Variants in PCDHGA5 observed in about 807,000 individuals in gnomAD.
The protein encoded by PCDHGA5 is protocadherin gamma subfamily A, 5, also known as protocadherin gamma-A5.
PCDHGA5 carries 36 observed loss-of-function variants against 56.7 expected under a neutral mutation model. The observed-to-expected ratio is 0.64, with a 90% CI of 0.49 to 0.84. The LOEUF is 0.84. PCDHGA5 is among the 40% of genes least tolerant of loss of function. The probability of loss-of-function intolerance (pLI) is 0.00; values close to 1 mark genes in which losing one functional copy is unlikely to be tolerated. For missense variants in PCDHGA5, 1,305 were observed against 1,201.5 expected (o/e 1.09, Z -1.27); for synonymous variants, 563 against 520.2 (o/e 1.08, Z -1.12).
In PCDHGA5 at chr5:141,397,217, T is replaced by C. The variant is rs534809290; in HGVS notation, c.2421+30466T>C. On this transcript the variant is annotated intron_variant, in intron 1 of 3. Transcript: ENST00000518069. The stretch of plus-strand genomic sequence containing the variant: ...AAAGATATGACATAAGAGAAGTATT[T>C]TGAGATATGAAGAAGAGCAACGTAG... Among the ~76,000 whole-genome samples, 15 of 152,296 alleles carry C rather than the reference T, an allele frequency of 9.8e-5. No individual in the cohort carries two copies. In the East Asian group the frequency reaches 2.5e-3, roughly 25 times the overall value.
chr5:141,462,552 T>A (rs966816379), intron 1 of PCDHGA5, among the ~76,000 whole-genome samples: 1 of 152,194 alleles, frequency 6.6e-6, no homozygotes, highest in Non-Finnish European at 1.5e-5. Context: ...TCTTCTTCAG[T>A]GTTTACTGTA....
In PCDHGA5 at chr5:141,432,654, T is replaced by C. The variant is rs2097525297; in HGVS notation, c.2422-62153T>C. ...GGCGAGGTGCGCACGGCGCGAGCCC[T>C]GCTGGACAGAGACGCGCTCAAGCAG... is the stretch of plus-strand genomic sequence containing the variant. On this transcript the variant is annotated intron_variant, in intron 1 of 3. Transcript: ENST00000518069. This position sits in a 1 kb window ranked among gnomAD's most constrained non-coding sequence, Gnocchi z 6.0. The C allele has an allele frequency of 1.2e-6, 2 of 1,613,816 alleles. No homozygotes were observed. Among genetic ancestry groups the C allele is most frequent in the African/African-American group, 1.3e-5 (1 of 75,034 alleles).
rs532830928 is a variant in PCDHGA5 at position 141,473,487 on chromosome 5, A to G, written c.2422-21320A>G. Reference sequence around the variant, plus strand: ...TTGTGCCAAGTTCAATGGAAAAAATATAAGGTGTTCTGAGAGAGCATAACA... The same window carrying G: ...TTGTGCCAAGTTCAATGGAAAAAATGTAAGGTGTTCTGAGAGAGCATAACA... On this transcript the variant is annotated intron_variant, in intron 1 of 3. Coordinates refer to ENST00000518069, the MANE Select transcript of PCDHGA5 (RefSeq NM_018918.3). 2.0e-3 allele frequency among the ~76,000 whole-genome samples: 310 copies of G among 152,242 alleles called. 5 individuals carry two copies. The South Asian group carries it at 0.052, about 25-fold the overall frequency.
At chr5:141,447,623 C>G (rs940221130) in intron 1 of PCDHGA5, among the ~76,000 whole-genome samples, 1 of 152,042 alleles carries the variant, frequency 6.6e-6, no homozygotes, top group African/African-American at 2.4e-5. Flanking sequence ...AAAGTTGAAA[C>G]CAACAGTATG....
chr5:141,451,532 G>T (rs1168984212), intron 1 of PCDHGA5, among the ~76,000 whole-genome samples: 1 of 152,180 alleles, frequency 6.6e-6, no homozygotes, highest in African/African-American at 2.4e-5. Flanking sequence ...AAAGGAGAGT[G>T]CCAGAGAGGG....
intron 1 of PCDHGA5, chr5:141,394,374 G>A: frequency 1.2e-6 from 2 of 1,614,172 alleles, no homozygotes; most frequent in South Asian, 1.1e-5. Flanking sequence ...GCAATCTTTC[G>A]ACTATGAGCA....
At chr5:141,464,862 C>T (rs1166573359) in intron 1 of PCDHGA5, among the ~76,000 whole-genome samples, 1 of 152,076 alleles carries the variant, frequency 6.6e-6, no homozygotes, top group African/African-American at 2.4e-5. Context: ...CCTTAGCCTC[C>T]CAAGTAGCTA....
At position 141,364,467 on chromosome 5, in the gene PCDHGA5, G is replaced by T. The variant is rs776444046; in HGVS notation, c.137G>T (p.Gly46Val). 2 of 1,614,004 alleles carry T rather than the reference G, an allele frequency of 1.2e-6. No homozygotes were observed. Among genetic ancestry groups the T allele is most frequent in the Non-Finnish European group, 1.7e-6 (2 of 1,179,888 alleles). ...GAGCTGGACAAAGGCTCCTTCGTCG[G>T]CAACATAGCCAAGGACCTTGGGCTG... The part of the protein sequence containing the change: ...PEELDKGSFV[G>V]NIAKDLGLEP... The change falls in exon 1 of 4, where the codon GGC (glycine) becomes GTC (valine). Residue 46 changes from glycine to valine, a missense_variant. Gly to Val is a moderately radical substitution (Grantham distance 109). Coordinates refer to ENST00000518069, the MANE Select transcript of PCDHGA5 (RefSeq NM_018918.3).
Position 141,477,598 on chromosome 5 carries a change from C to A in PCDHGA5, c.2422-17209C>A. The A allele has an allele frequency of 6.2e-7, 1 of 1,614,180 alleles. No homozygotes were observed. The highest frequency in any genetic ancestry group is 8.5e-7 in the Non-Finnish European group (1 of 1,180,030). ...CCCCGCAGAATGCTCGGCTTTCTTT[C>A]TTTCTCTTGGAGCAAGGAGCTGAAA... On this transcript the variant is annotated intron_variant, in intron 1 of 3. Transcript: ENST00000518069. This position sits in a 1 kb window ranked among gnomAD's most constrained non-coding sequence, Gnocchi z 4.9.
At chr5:141,402,807 T>TA in intron 1 of PCDHGA5, 1 of 1,165,464 alleles carries the variant, frequency 8.6e-7, no homozygotes, top group Non-Finnish European at 1.2e-6. Flanking sequence ...ACCCGGCAGA[T>TA]ACCACAAACC....
At chr5:141,415,302 G>A in intron 1 of PCDHGA5, 3 of 1,614,212 alleles carry the variant, frequency 1.9e-6, no homozygotes, top group South Asian at 2.2e-5. Context: ...GCGTCTTCCT[G>A]GCCTTCGTCA....
At chr5:141,402,919 G>T in intron 1 of PCDHGA5, 1 of 1,572,640 alleles carries the variant, frequency 6.4e-7, no homozygotes, top group Non-Finnish European at 8.6e-7. Flanking sequence ...CGCGCACAGA[G>T]ATCCTTTTGA....
In PCDHGA5 at chr5:141,366,085, C is replaced by A. The variant is rs938214198; in HGVS notation, c.1755C>A (p.Gly585=). ...VELAPRSAEP[G]YLVTKVVAVD... ...TGGCGCCTCGCTCCGCAGAACCTGG[C>A]TACCTGGTGACCAAGGTGGTAGCGG... The change falls in exon 1 of 4, where the codon GGC becomes GGA. Residue 585 remains glycine, a synonymous_variant. Coordinates refer to ENST00000518069, the MANE Select transcript of PCDHGA5 (RefSeq NM_018918.3). 3.7e-6 allele frequency: 6 copies of A among 1,614,150 alleles called. No individual in the cohort carries two copies. Among genetic ancestry groups the A allele is most frequent in the Non-Finnish European group, 5.1e-6 (6 of 1,180,060 alleles).
chr5:141,410,737 C>A, intron 1 of PCDHGA5: 1 of 1,295,554 alleles, frequency 7.7e-7, no homozygotes, highest in East Asian at 2.5e-5. Context: ...TAGCTTTTTA[C>A]AATATTTTCT....
intron 2 of PCDHGA5, among the ~76,000 whole-genome samples, chr5:141,495,377 G>A (rs558501090): frequency 1.9e-4 from 29 of 152,330 alleles, no homozygotes; most frequent in Admixed American, 6.5e-4. Flanking sequence ...ACTGAGGAAG[G>A]ACTGGGCGGG....
At position 141,433,110 on chromosome 5, in the gene PCDHGA5, G is replaced by A. The variant is rs1031253372; in HGVS notation, c.2422-61697G>A. On this transcript the variant is annotated intron_variant, in intron 1 of 3. Coordinates refer to ENST00000518069, the MANE Select transcript of PCDHGA5 (RefSeq NM_018918.3). Reference sequence around the variant, plus strand: ...GCAGACATGCTCGTCAGCCAGGAGAGCTTTGAAAAAAGCGAGCCCCTTTTG... The same window carrying A: ...GCAGACATGCTCGTCAGCCAGGAGAACTTTGAAAAAAGCGAGCCCCTTTTG... 3.1e-6 allele frequency: 5 copies of A among 1,613,982 alleles called. No homozygotes were observed. The African/African-American group carries it at 5.3e-5, about 17-fold the overall frequency.
chr5:141,403,995 C>T, intron 1 of PCDHGA5: 1 of 1,613,762 alleles, frequency 6.2e-7, no homozygotes, highest in Non-Finnish European at 8.5e-7. Context: ...CCTGAAGTGA[C>T]CATTACATCT....
rs150692324 is a variant in PCDHGA5 at position 141,431,149 on chromosome 5, G to T, written c.2422-63658G>T. 1.2e-6 allele frequency: 2 copies of T among 1,614,210 alleles called. No homozygotes were observed. Among genetic ancestry groups the T allele is most frequent in the Non-Finnish European group, 1.7e-6 (2 of 1,180,020 alleles). ...AAGTAAGGGACATTAACGACAATGC[G>T]CCTTACTTTCGTGAAAGTGAATTAG... On this transcript the variant is annotated intron_variant, in intron 1 of 3. Coordinates refer to ENST00000518069, the MANE Select transcript of PCDHGA5 (RefSeq NM_018918.3). This position sits in a 1 kb window ranked among gnomAD's most constrained non-coding sequence, Gnocchi z 4.8.
Position 141,366,591 on chromosome 5 carries a change from C to A in PCDHGA5, c.2261C>A (p.Ser754Tyr). 6.2e-7 allele frequency: 1 copy of A among 1,614,246 alleles called. No homozygotes were observed. The highest frequency in any genetic ancestry group is 2.2e-5 in the East Asian group (1 of 44,886). ...GTTCGGGCTTTCCTGCAGACCTATT[C>A]CCACGAGGTCTCCCTCACCGCGGAC... The part of the protein sequence containing the change: ...DGVRAFLQTY[S>Y]HEVSLTADSR... Residue 754 changes from serine (S) to tyrosine (Y), a missense_variant, in exon 1 of 4, where the codon TCC (serine) becomes TAC (tyrosine). By Grantham distance (144) the Ser-to-Tyr change is moderately radical. Coordinates refer to ENST00000518069, the MANE Select transcript of PCDHGA5 (RefSeq NM_018918.3).
Sources: allele counts gnomAD v4.1 joint callset (sites outside exome capture counted in the v4.1 genomes callset), GRCh38; gene constraint gnomAD v4.1.1; non-coding constraint Gnocchi (gnomAD v3.1); transcripts MANE v1.5; gene names NCBI Gene and HGNC (gene_info 2026-07-23, HGNC 2026-07-21).